The following SEPTIN6 variants were observed in gnomAD, a reference collection of about 807,000 sequenced individuals.
SEPTIN6 encodes the protein septin-6.
A neutral mutation model predicts 33.6 loss-of-function variants in SEPTIN6; 8 were observed. The ratio of observed to expected loss-of-function variants is 0.24; its 90% CI spans 0.14 to 0.43. SEPTIN6 has a LOEUF of 0.43. Among genes scored for constraint, SEPTIN6 ranks in the 20% least tolerant of loss-of-function variants. The probability of loss-of-function intolerance (pLI) is 1.00; values close to 1 mark genes in which losing one functional copy is unlikely to be tolerated. For missense variants in SEPTIN6, 250 were observed against 340.8 expected (o/e 0.73, Z 2.10); for synonymous variants, 131 against 140.0 (o/e 0.94, Z 0.45).
At chrX:119,659,936 G>C (rs1177180036) in intron 3 of SEPTIN6, among the ~76,000 whole-genome samples, 1 of 111,808 alleles carries the variant, frequency 8.9e-6, no homozygotes, top group Non-Finnish European at 1.9e-5. Context: ...GCCATGGCGC[G>C]ATCTCAGCTC....
At chrX:119,676,451 C>T (rs184970955) in intron 1 of SEPTIN6, among the ~76,000 whole-genome samples, 2,414 of 91,342 alleles carry the variant, frequency 0.026, 31 homozygotes, top group Non-Finnish European at 0.038. Flanking sequence ...GCAATAAGAG[C>T]GAAACTCTGT....
At chrX:119,663,451 C>G (rs1301625643) in intron 3 of SEPTIN6, 31 bp downstream of exon 3, 2 of 678,681 alleles carry the variant, frequency 2.9e-6, no homozygotes, top group East Asian at 3.5e-5. Flanking sequence ...ACCAACCTCC[C>G]CACCCTACCC....
intron 4 of SEPTIN6, among the ~76,000 whole-genome samples, chrX:119,652,432 G>A (rs901474844): frequency 7.1e-5 from 8 of 111,991 alleles, no homozygotes; most frequent in African/African-American, 9.7e-5. Context: ...TGTACTTCAC[G>A]GGGCTGGCAT....
chrX:119,658,294 T>A (rs1485810950), intron 3 of SEPTIN6, among the ~76,000 whole-genome samples: 1 of 111,805 alleles, frequency 8.9e-6, no homozygotes, highest in Non-Finnish European at 1.9e-5. Context: ...CACCGCATCG[T>A]GATCATTCTG....
chrX:119,622,667 G>C (rs962308539), intron 10 of SEPTIN6, among the ~76,000 whole-genome samples: 2 of 112,411 alleles, frequency 1.8e-5, no homozygotes, highest in Admixed American at 1.9e-4. Flanking sequence ...TTTACTTGGG[G>C]AAACCTGTAA....
intron 1 of SEPTIN6, among the ~76,000 whole-genome samples, chrX:119,679,311 G>C (rs775514457): frequency 2.2e-3 from 241 of 111,626 alleles, no homozygotes; most frequent in African/African-American, 7.5e-3. Context: ...ATGGGATTTG[G>C]GGGATTTTGA....
chrX:119,659,093 C>T (rs1470747203), intron 3 of SEPTIN6, among the ~76,000 whole-genome samples: 1 of 112,152 alleles, frequency 8.9e-6, no homozygotes, highest in South Asian at 3.6e-4. Flanking sequence ...ATGTTTTCTC[C>T]TTATATTTTT....
chrX:119,658,882 C>A lies in SEPTIN6; in HGVS notation c.341+4600G>T, dbSNP rs965227907. Among the ~76,000 whole-genome samples, 3 of 112,165 alleles carry A rather than the reference C, an allele frequency of 2.7e-5. No individual in the cohort carries two copies. In the Admixed American group the frequency reaches 2.8e-4, roughly 11 times the overall value. ...AGCTCTTTTTCCATTTTAGAAGAAT[C>A]CTTTGTCTGTTATTTAGGCAGCAAA... On this transcript the variant is annotated intron_variant, in intron 3 of 10. Transcript: ENST00000394610.
At position 119,674,106 on chromosome X, in the gene SEPTIN6, C is replaced by T. The variant is rs575487230; in HGVS notation, c.145+1448G>A. Among the ~76,000 whole-genome samples, 4 of 110,055 alleles carry T rather than the reference C, an allele frequency of 3.6e-5. No individual in the cohort carries two copies. In the South Asian group the frequency reaches 1.1e-3, roughly 31 times the overall value. On this transcript the variant is annotated intron_variant, in intron 2 of 10. Coordinates refer to ENST00000394610, the MANE Select transcript of SEPTIN6 (RefSeq NM_145799.4). ...CTGGAAATATGCAGGTATGCTTTCC[C>T]GTGTTACAGGGTGAAAATTATATGC... is the stretch of plus-strand genomic sequence containing the variant.
intron 3 of SEPTIN6, 111 bp downstream of exon 3, chrX:119,663,371 G>T: frequency 1.6e-6 from 1 of 634,917 alleles, no homozygotes; most frequent in South Asian, 3.3e-5. Flanking sequence ...CATTCTGGGA[G>T]GACAGGCTTG....
intron 7 of SEPTIN6, among the ~76,000 whole-genome samples, chrX:119,636,703 C>T (rs1355664976): frequency 1.8e-5 from 2 of 111,785 alleles, no homozygotes; most frequent in East Asian, 2.8e-4. Context: ...TTCCCCCCAG[C>T]GCAGCTGCTT....
At position 119,618,041 on chromosome X, in the gene SEPTIN6, C is replaced by T; in HGVS notation, c.*2052G>A. ...CGGTTGGTTGTTTAAGCGTGAATTT[C>T]TGGGAAAGCAGCTCTGAAGCTGGAC... is the stretch of plus-strand genomic sequence containing the variant. On this transcript the variant is annotated 3_prime_UTR_variant, in exon 11 of 11. Coordinates refer to ENST00000394610, the MANE Select transcript of SEPTIN6 (RefSeq NM_145799.4). 1.2e-6 allele frequency: 1 copy of T among 806,390 alleles called. No homozygotes were observed. The highest frequency in any genetic ancestry group is 1.5e-6 in the Non-Finnish European group (1 of 671,487). 66.5% of individuals were successfully genotyped at this position (806,390 alleles called of 1,213,427 possible). A position where few individuals can be genotyped will look rare whatever the true frequency, so the allele number is the denominator to read the frequency against.
intron 3 of SEPTIN6, among the ~76,000 whole-genome samples, chrX:119,661,417 C>T (rs781778825): frequency 2.7e-5 from 3 of 110,390 alleles, no homozygotes; most frequent in African/African-American, 6.7e-5. Context: ...GGCAACAGAG[C>T]GAGACTCCGT....
At chrX:119,678,784 G>A (rs2054893206) in intron 1 of SEPTIN6, among the ~76,000 whole-genome samples, 1 of 110,472 alleles carries the variant, frequency 9.1e-6, no homozygotes, top group Non-Finnish European at 1.9e-5. Flanking sequence ...CAGAGTTGAG[G>A]TTTCCTGAGC....
intron 9 of SEPTIN6, among the ~76,000 whole-genome samples, chrX:119,628,505 T>C (rs1205562441): frequency 7.0e-5 from 6 of 86,298 alleles, no homozygotes; most frequent in Admixed American, 2.3e-4. Context: ...TCTTGAACTC[T>C]TTTTTTTTTT....
At position 119,617,260 on chromosome X, in the gene SEPTIN6, G is replaced by A; in HGVS notation, c.*2833C>T. 3.7e-6 allele frequency: 3 copies of A among 800,953 alleles called. No homozygotes were observed. Among genetic ancestry groups the A allele is most frequent in the Non-Finnish European group, 4.5e-6 (3 of 667,093 alleles). The allele number at this position is 800,953 out of a possible 1,213,427, so 66.0% of individuals were successfully genotyped here. A position where few individuals can be genotyped will look rare whatever the true frequency, so the allele number is the denominator to read the frequency against. ...ACTTAGGGTATTTTTTTTTTAAATAGTAACAGTTGTACTAATTTAAAAGCC... is the reference window on the plus strand; with the variant it reads ...ACTTAGGGTATTTTTTTTTTAAATAATAACAGTTGTACTAATTTAAAAGCC... On this transcript the variant is annotated 3_prime_UTR_variant, in exon 11 of 11. Transcript: ENST00000394610.
chrX:119,661,315 C>A (rs1223044263), intron 3 of SEPTIN6, among the ~76,000 whole-genome samples: 2 of 108,882 alleles, frequency 1.8e-5, no homozygotes, highest in East Asian at 5.8e-4. Flanking sequence ...CCTGTAGTCC[C>A]AGCTACTCGG....
At chrX:119,649,894 A>C (rs1448687736) in intron 5 of SEPTIN6, 43 bp downstream of exon 5, 1 of 1,162,011 alleles carries the variant, frequency 8.6e-7, no homozygotes, top group Non-Finnish European at 1.2e-6. Context: ...AATAATGATA[A>C]TCATCATAAA....
chrX:119,664,526 T>A (rs753799770), intron 2 of SEPTIN6, among the ~76,000 whole-genome samples: 16 of 110,593 alleles, frequency 1.4e-4, no homozygotes, highest in Admixed American at 3.9e-4. Flanking sequence ...TTTTAAATTT[T>A]TTTAAAAAAT....
Sources: allele counts gnomAD v4.1 joint callset (sites outside exome capture counted in the v4.1 genomes callset), GRCh38; gene constraint gnomAD v4.1.1; transcripts MANE v1.5; gene names NCBI Gene and HGNC (gene_info 2026-07-23, HGNC 2026-07-21).